GNG13: variants seen among roughly 807,000 people sequenced by gnomAD.
GNG13 encodes guanine nucleotide-binding protein G(I)/G(S)/G(O) subunit gamma-13.
In GNG13, 12 loss-of-function variants were observed where a neutral mutation model predicts 8.2. That is an observed-to-expected ratio of 1.47 (90% CI 0.94 to 2.38). The LOEUF is 2.38. GNG13 is among the 30% of genes most tolerant of loss of function. The pLI is 0.00. For missense variants in GNG13, 100 were observed against 85.2 expected (o/e 1.17, Z -0.68); for synonymous variants, 45 against 33.0 (o/e 1.37, Z -1.25).
chr16:799,423 G>A lies in GNG13; in HGVS notation c.-34-312C>T, dbSNP rs3817835. On this transcript the variant is annotated intron_variant, in intron 1 of 2. Transcript: ENST00000248150. ...GGAGAAAGGGTGCTCAGCACGGCAG[G>A]CCCCCAGCTCCTACCCTCCCACTGA... is the stretch of plus-strand genomic sequence containing the variant. 2.2e-3 allele frequency among the ~76,000 whole-genome samples: 331 copies of A among 152,310 alleles called. 5 individuals carry two copies. The East Asian group carries it at 0.032, about 15-fold the overall frequency.
chr16:800,589 G>T lies in GNG13; in HGVS notation c.-35+77C>A, dbSNP rs1596782387. The stretch of plus-strand genomic sequence containing the variant: ...CCCCGGGAGTTAGGGTGAGCCCAGG[G>T]GACTGACCTGGGCCAGCTGAGAGTC... On this transcript the variant is annotated intron_variant, in intron 1 of 2. Coordinates refer to ENST00000248150, the MANE Select transcript of GNG13 (RefSeq NM_016541.3). 3 of 152,306 alleles carry T rather than the reference G, an allele frequency of 2.0e-5. No individual in the cohort carries two copies. The East Asian group carries it at 5.8e-4, about 30-fold the overall frequency. 9.4% of individuals were successfully genotyped at this position (152,306 alleles called of 1,614,324 possible).
chr16:800,128 T>G lies in GNG13; in HGVS notation c.-35+538A>C, dbSNP rs1001968399. On this transcript the variant is annotated intron_variant, in intron 1 of 2. Coordinates refer to ENST00000248150, the MANE Select transcript of GNG13 (RefSeq NM_016541.3). ...AGCAGAGGGTCTGCCCGTAGTGGGG[T>G]GGGAGGCCGGGGAGCGAGCGGGGGC... Among the ~76,000 whole-genome samples the G allele has an allele frequency of 2.1e-4, 32 of 151,050 alleles. 1 individual carries two copies. The highest frequency in any genetic ancestry group is 4.3e-4 in the Non-Finnish European group (29 of 67,730).
intron 2 of GNG13, 25 bp from the exon 3 acceptor site, chr16:798,849 A>T: frequency 6.6e-7 from 1 of 1,516,294 alleles, no homozygotes; most frequent in Non-Finnish European, 9.1e-7. Flanking sequence ...GTGGCAGGTG[A>T]GTGGTGGCAC....
chr16:799,475 G>A (rs907700575), intron 1 of GNG13, among the ~76,000 whole-genome samples: 1 of 152,338 alleles, frequency 6.6e-6, no homozygotes, highest in Non-Finnish European at 1.5e-5. Flanking sequence ...CCCAGACCAC[G>A]GTGTGAGGTG....
At chr16:799,810 G>C (rs1186942296) in intron 1 of GNG13, among the ~76,000 whole-genome samples, 1 of 152,168 alleles carries the variant, frequency 6.6e-6, no homozygotes, top group African/African-American at 2.4e-5. Flanking sequence ...AGGCAAGTGG[G>C]GGTGGGTTGC....
chr16:800,041 A>G (rs1158228250), intron 1 of GNG13, among the ~76,000 whole-genome samples: 1 of 150,704 alleles, frequency 6.6e-6, no homozygotes, highest in Non-Finnish European at 1.5e-5. Flanking sequence ...CCACCTAGGG[A>G]GGGGCCCAGG....
chr16:798,138 A>C lies in GNG13; in HGVS notation c.*581T>G. ...GTGGGGCCGGGCGTGGGCTCATAGG[A>C]TGGTGTGAGTGGGGCCAGGAGTGGG... is the stretch of plus-strand genomic sequence containing the variant. On this transcript the variant is annotated 3_prime_UTR_variant, in exon 3 of 3. Transcript: ENST00000248150. The C allele has an allele frequency of 1.1e-6, 1 of 920,046 alleles. No homozygotes were observed. The highest frequency in any genetic ancestry group is 1.6e-6 in the Non-Finnish European group (1 of 625,942). The allele number at this position is 920,046 out of a possible 1,614,324, so 57.0% of individuals were successfully genotyped here.
rs1340054915 is a variant in GNG13, at chr16:798,415, ATGG to A, written c.*301_*303del. ...TGGGGCTGGGAGTGGGGCTCACAGG[ATGG>A]TGGGAGTGGGGCTGGAAGTGGGGCT... On this transcript the variant is annotated 3_prime_UTR_variant, in exon 3 of 3. Transcript: ENST00000248150. 1.8e-3 allele frequency: 698 copies of A among 397,474 alleles called. 3 individuals carry two copies. Among genetic ancestry groups the A allele is most frequent in the Middle Eastern group, 4.2e-3 (5 of 1,188 alleles). 24.6% of individuals were successfully genotyped at this position (397,474 alleles called of 1,614,324 possible).
chr16:798,983 G>C lies in GNG13; in HGVS notation c.95C>G (p.Pro32Arg). The C allele has an allele frequency of 6.3e-7, 1 of 1,584,936 alleles. No individual in the cohort carries two copies. Among genetic ancestry groups the C allele is most frequent in the African/African-American group, 1.3e-5 (1 of 74,466 alleles). ...ATCAGGCAGGTGGGGCACTCACTCG[G>C]GGATGGTCTTGGACGCCATCTCCCG... ...FQREMASKTI[P>R]ELLKWIEDGI... Residue 32 changes from proline to arginine, a missense_variant, in exon 2 of 3, where the codon CCC (proline) becomes CGC (arginine). Pro to Arg is a moderately radical substitution (Grantham distance 103, BLOSUM62 -2). Coordinates refer to ENST00000248150, the MANE Select transcript of GNG13 (RefSeq NM_016541.3).
At chr16:799,144 G>GGCCACCAGCCTGTAGTCCCC (rs2042425756) in intron 1 of GNG13, 33 bp from the exon 2 acceptor site, 1 of 912,424 alleles carries the variant, frequency 1.1e-6, no homozygotes, top group Non-Finnish European at 1.8e-6. Context: ...ACAGGGCCGA[G>GGCCACCAGCCTGTAGTCCCC]GCCACCAGCC....
rs921768259 is a variant in GNG13 at position 798,070 on chromosome 16, T to A, written c.*649A>T. ...TTTATAAAGTCACACCTTTACAGAC[T>A]GTAATCACGTGCGAGTGGAGTGGGG... On this transcript the variant is annotated 3_prime_UTR_variant, in exon 3 of 3. Coordinates refer to ENST00000248150, the MANE Select transcript of GNG13 (RefSeq NM_016541.3). 38 of 1,467,188 alleles carry A rather than the reference T, an allele frequency of 2.6e-5. No individual in the cohort carries two copies. Among genetic ancestry groups the A allele is most frequent in the Non-Finnish European group, 3.3e-5 (36 of 1,090,858 alleles). The allele number at this position is 1,467,188 out of a possible 1,614,324, so 90.9% of individuals were successfully genotyped here. A position where few individuals can be genotyped will look rare whatever the true frequency, so the allele number is the denominator to read the frequency against.
intron 2 of GNG13, 35 bp from the exon 3 acceptor site, chr16:798,859 C>G (rs1203980433): frequency 6.8e-7 from 1 of 1,479,652 alleles, no homozygotes; most frequent in Non-Finnish European, 9.4e-7. Flanking sequence ...AGTGGTGGCA[C>G]CTGACCCCCG....
At chr16:800,096 A>T (rs897944450) in intron 1 of GNG13, among the ~76,000 whole-genome samples, 16 of 152,016 alleles carry the variant, frequency 1.1e-4, no homozygotes, top group African/African-American at 3.6e-4. Flanking sequence ...GCAGACTCCC[A>T]GCAGCCAGCA....
Position 798,999 on chromosome 16 carries a change from C to T in GNG13, c.79G>A (p.Ala27Thr), listed in dbSNP as rs2042424171. 6.2e-7 allele frequency: 1 copy of T among 1,604,362 alleles called. No homozygotes were observed. Among genetic ancestry groups the T allele is most frequent in the African/African-American group, 1.3e-5 (1 of 74,830 alleles). ...KYQLAFQREM[A>T]SKTIPELLKW... Reference sequence around the variant, plus strand: ...ACTCACTCGGGGATGGTCTTGGACGCCATCTCCCGCTGGAAGGCCAGCTGG... The same window carrying T: ...ACTCACTCGGGGATGGTCTTGGACGTCATCTCCCGCTGGAAGGCCAGCTGG... Residue 27 changes from alanine (A) to threonine (T), a missense_variant, in exon 2 of 3, where the codon GCG (alanine) becomes ACG (threonine). Ala to Thr is a moderately conservative substitution (Grantham distance 58). Coordinates refer to ENST00000248150, the MANE Select transcript of GNG13 (RefSeq NM_016541.3).
rs115306857 is a variant in GNG13 at position 799,232 on chromosome 16, G to T, written c.-34-121C>A. On this transcript the variant is annotated intron_variant, in intron 1 of 2. Transcript: ENST00000248150. Reference sequence around the variant, plus strand: ...TGAAGCGGGGAGAGTCCACACCACTGCCTGGGCCAGTCCCCTAGGCGTTGC... The same window carrying T: ...TGAAGCGGGGAGAGTCCACACCACTTCCTGGGCCAGTCCCCTAGGCGTTGC... 2.3e-3 allele frequency: 1,442 copies of T among 624,504 alleles called. 19 individuals carry two copies. In the African/African-American group the frequency reaches 0.024, roughly 10 times the overall value. The allele number at this position is 624,504 out of a possible 1,614,324, so 38.7% of individuals were successfully genotyped here. A position where few individuals can be genotyped will look rare whatever the true frequency, so the allele number is the denominator to read the frequency against.
intron 1 of GNG13, among the ~76,000 whole-genome samples, chr16:800,339 A>G (rs903731410): frequency 9.9e-5 from 15 of 151,922 alleles, no homozygotes; most frequent in Non-Finnish European, 2.1e-4. Context: ...CGCCCCGCCC[A>G]CAGCCCAGTC....
At position 798,060 on chromosome 16, in the gene GNG13, C is replaced by G. The variant is rs2042406811; in HGVS notation, c.*659G>C. ...TGGAGATGTCTTTATAAAGTCACACCTTTACAGACTGTAATCACGTGCGAG... is the reference window on the plus strand; with the variant it reads ...TGGAGATGTCTTTATAAAGTCACACGTTTACAGACTGTAATCACGTGCGAG... On this transcript the variant is annotated 3_prime_UTR_variant, in exon 3 of 3. Coordinates refer to ENST00000248150, the MANE Select transcript of GNG13 (RefSeq NM_016541.3). The G allele has an allele frequency of 3.3e-6, 5 of 1,502,696 alleles. No homozygotes were observed. Among genetic ancestry groups the G allele is most frequent in the Non-Finnish European group, 3.6e-6 (4 of 1,115,920 alleles). The allele number at this position is 1,502,696 out of a possible 1,614,324, so 93.1% of individuals were successfully genotyped here. A position where few individuals can be genotyped will look rare whatever the true frequency, so the allele number is the denominator to read the frequency against.
At chr16:800,600 G>A (rs2042437391) in intron 1 of GNG13, 66 bp downstream of exon 1, 1 of 152,202 alleles carries the variant, frequency 6.6e-6, no homozygotes, top group Admixed American at 6.5e-5. Context: ...GACTGACCTG[G>A]GCCAGCTGAG....
rs2042415526 is a variant in GNG13, at chr16:798,383, GTGGGAGTGGGGC to G, written c.*324_*335del. 4 of 487,056 alleles carry G rather than the reference GTGGGAGTGGGGC, an allele frequency of 8.2e-6. No individual in the cohort carries two copies. Among genetic ancestry groups the G allele is most frequent in the African/African-American group, 4.1e-5 (2 of 49,016 alleles). The allele number at this position is 487,056 out of a possible 1,614,324, so 30.2% of individuals were successfully genotyped here. ...GGCCGGGAGTGGGGCTCACAGGATG[GTGGGAGTGGGGC>G]TGGGAGTGGGGCTCACAGGATGGTG... On this transcript the variant is annotated 3_prime_UTR_variant, in exon 3 of 3. Transcript: ENST00000248150.
Sources: gnomAD v4.1 joint callset for allele counts (sites outside exome capture counted in the v4.1 genomes callset) on GRCh38, gnomAD v4.1.1 for gene constraint, MANE v1.5 for transcripts, NCBI Gene and HGNC (gene_info 2026-07-23, HGNC 2026-07-21) for gene names.